Variants in LINGO2 observed in about 807,000 individuals in gnomAD.
LINGO2 encodes leucine rich repeat and Ig domain containing 2.
Under a neutral mutation model 30.6 loss-of-function variants are expected in LINGO2, and 14 were observed. The observed-to-expected ratio is 0.46, with a 90% CI of 0.30 to 0.72. LINGO2 has a LOEUF of 0.72. LINGO2 is among the 30% of genes least tolerant of loss of function. The probability of loss-of-function intolerance (pLI) is 0.07; values close to 1 mark genes in which losing one functional copy is unlikely to be tolerated. For synonymous variants in LINGO2, 317 were observed against 288.5 expected (o/e 1.10, Z -1.00); for missense variants, 729 against 751.7 (o/e 0.97, Z 0.35).
intron 1 of LINGO2, among the ~76,000 whole-genome samples, chr9:28,478,257 T>G (rs1372029828): frequency 6.6e-6 from 1 of 152,182 alleles, no homozygotes; most frequent in African/African-American, 2.4e-5. Flanking sequence ...TATGTGATTT[T>G]AACTAGCAGC....
chr9:28,003,824 C>A lies in LINGO2; in HGVS notation c.-36+8531G>T, dbSNP rs116253713. On this transcript the variant is annotated intron_variant, in intron 5 of 5. Coordinates refer to ENST00000379992, the Ensembl canonical transcript of LINGO2. The stretch of plus-strand genomic sequence containing the variant: ...TGGTTTTGTTATATGTCCTAAGTTG[C>A]AGTTTCCAGGAACCTAACAACATTA... Among the ~76,000 whole-genome samples the A allele has an allele frequency of 3.7e-3, 569 of 152,232 alleles. 2 individuals carry two copies. The highest frequency in any genetic ancestry group is 0.012 in the African/African-American group (506 of 41,524).
the LINGO2 span, chr9:27,941,019 C>T: frequency 1.1e-5 from 1 of 91,920 alleles, no homozygotes; most frequent in Non-Finnish European, 2.8e-5. Flanking sequence ...TTTAGTCTTA[C>T]TGATTTACTA....
At chr9:28,609,347 C>G (rs2135778932) in intron 1 of LINGO2, among the ~76,000 whole-genome samples, 1 of 151,622 alleles carries the variant, frequency 6.6e-6, no homozygotes, top group African/African-American at 2.4e-5. Context: ...TATGTGATAG[C>G]TGGAGAAAAT....
chr9:28,621,305 T>G (rs1014268366), intron 1 of LINGO2, among the ~76,000 whole-genome samples: 6 of 152,110 alleles, frequency 3.9e-5, no homozygotes, highest in African/African-American at 1.4e-4. Flanking sequence ...GAGGTATAAT[T>G]AAGTAAGTCA....
chr9:28,365,839 C>A (rs1346410566), intron 3 of LINGO2, among the ~76,000 whole-genome samples: 1 of 148,022 alleles, frequency 6.8e-6, no homozygotes, highest in African/African-American at 2.5e-5. Context: ...TTTGAGACTA[C>A]TCTGGAGGCC....
At chr9:29,071,501 ATATATATATATATATATG>A in the LINGO2 span, among the ~76,000 whole-genome samples, 1,294 of 119,200 alleles carry the variant, frequency 0.011, 15 homozygotes, top group East Asian at 0.016. Flanking sequence ...ATATATATAT[ATATATATATATATATATG>A]TATATGTATA....
chr9:28,117,881 A>T (rs1322334082), intron 4 of LINGO2, among the ~76,000 whole-genome samples: 1 of 152,218 alleles, frequency 6.6e-6, no homozygotes, highest in Non-Finnish European at 1.5e-5. Context: ...ATAAATGTTT[A>T]TTAAAAAGAC....
chr9:28,272,806 C>G (rs1431512430), intron 4 of LINGO2, among the ~76,000 whole-genome samples: 1 of 152,070 alleles, frequency 6.6e-6, no homozygotes, highest in Admixed American at 6.6e-5. Flanking sequence ...CAATCTCCTA[C>G]CTCACCACCA....
chr9:28,108,145 A>C, intron 4 of LINGO2, among the ~76,000 whole-genome samples: 1 of 152,084 alleles, frequency 6.6e-6, no homozygotes, highest in Non-Finnish European at 1.5e-5. Context: ...TTGCCTTTGC[A>C]CTCGATTCCG....
upstream of LINGO2, among the ~76,000 whole-genome samples, chr9:28,674,069 T>C (rs931569519): frequency 2.6e-5 from 4 of 152,086 alleles, no homozygotes; most frequent in Non-Finnish European, 4.4e-5. Context: ...CATGATATAA[T>C]GGTGAAGAGA....
At chr9:27,950,808 G>A (rs1247502936) in intron 5 of LINGO2, 102 bp from the exon 7 acceptor site, 9 of 549,898 alleles carry the variant, frequency 1.6e-5, no homozygotes, top group Non-Finnish European at 2.8e-6. Context: ...AAAGGATACT[G>A]GATTTGGAAT....
chr9:28,419,269 A>G lies in LINGO2; in HGVS notation c.-278-46401T>C, dbSNP rs16912939. Among the ~76,000 whole-genome samples, 822 of 152,262 alleles carry G rather than the reference A, an allele frequency of 5.4e-3. 10 individuals carry two copies. Among genetic ancestry groups the G allele is most frequent in the African/African-American group, 0.018 (754 of 41,566 alleles). ...TCTTCCAGCTTTGCTTAGTTTTGAA[A>G]ACTTCTTGAATTTTTGTTTTTTCTC... On this transcript the variant is annotated intron_variant, in intron 2 of 5. Coordinates refer to ENST00000379992, the Ensembl canonical transcript of LINGO2.
At chr9:29,177,881 T>G in the LINGO2 span, among the ~76,000 whole-genome samples, 2 of 151,302 alleles carry the variant, frequency 1.3e-5, no homozygotes, top group Admixed American at 6.6e-5. Context: ...CCTTCTCTCT[T>G]TCTCACCAAG....
the LINGO2 span, among the ~76,000 whole-genome samples, chr9:28,770,264 T>C: frequency 0.06 from 9,139 of 152,212 alleles, 382 homozygotes; most frequent in Non-Finnish European, 0.083. Flanking sequence ...GTGAAACCCA[T>C]CTTTTTCTAG....
chr9:28,726,231 C>T, the LINGO2 span, among the ~76,000 whole-genome samples: 37 of 151,928 alleles, frequency 2.4e-4, no homozygotes, highest in Admixed American at 5.9e-4. Context: ...CTCATTATTT[C>T]GTCCTTATTT....
At chr9:29,038,028 T>C in the LINGO2 span, among the ~76,000 whole-genome samples, 1 of 152,072 alleles carries the variant, frequency 6.6e-6, no homozygotes, top group Non-Finnish European at 1.5e-5. Flanking sequence ...AAAGTATTTA[T>C]GTTGATGATA....
rs534391491 is a variant in LINGO2 at position 28,546,482 on chromosome 9, ACT to A, written c.-364-70459_-364-70458del. Among the ~76,000 whole-genome samples the A allele has an allele frequency of 2.0e-5, 3 of 151,894 alleles. No individual in the cohort carries two copies. The South Asian group carries it at 6.2e-4, about 32-fold the overall frequency. ...GCTTGTTTGTTCAGATTCTTCTTAA[ACT>A]CTCTGTGTAGTATTTTTCTCCTGAG... On this transcript the variant is annotated intron_variant, in intron 1 of 5. Coordinates refer to ENST00000379992, the Ensembl canonical transcript of LINGO2.
intron 1 of LINGO2, among the ~76,000 whole-genome samples, chr9:28,551,725 A>G (rs1822293029): frequency 6.6e-6 from 1 of 151,924 alleles, no homozygotes; most frequent in South Asian, 2.1e-4. Context: ...ATTTATTTGG[A>G]TGGGGAAGGG....
chr9:29,190,291 TATA>T, the LINGO2 span, among the ~76,000 whole-genome samples: 1 of 152,164 alleles, frequency 6.6e-6, no homozygotes, highest in East Asian at 1.9e-4. Context: ...AATATATGAT[TATA>T]ATAATTAAAT....
Sources: allele counts gnomAD v4.1 joint callset (sites outside exome capture counted in the v4.1 genomes callset), GRCh38; gene constraint gnomAD v4.1.1; transcripts MANE v1.5; gene names NCBI Gene and HGNC (gene_info 2026-07-23, HGNC 2026-07-21).